CPT1A: variants seen among roughly 807,000 people sequenced by gnomAD.
CPT1A encodes the protein carnitine palmitoyltransferase 1A.
A neutral mutation model predicts 100.8 loss-of-function variants in CPT1A; 64 were observed. The observed-to-expected ratio is 0.63, with a 90% confidence interval of 0.52 to 0.78. The LOEUF (loss-of-function observed/expected upper bound fraction) is 0.78. Ranked by LOEUF, CPT1A falls within the 30% of genes least tolerant of loss-of-function variation. CPT1A has a pLI of 0.00. For missense variants in CPT1A, 802 were observed against 1,034.1 expected, an observed-to-expected ratio of 0.78 and a Z score of 3.08; for synonymous variants, 363 against 396.0, an observed-to-expected ratio of 0.92 and a Z score of 0.99.
At chr11:68,818,702 T>A (rs1266128954) in intron 1 of CPT1A, 1 of 151,520 alleles carries the variant, frequency 6.6e-6, no homozygotes, top group Non-Finnish European at 1.5e-5. Context: ...CTGAAAAAAA[T>A]AAAAAATTAG....
chr11:68,801,893 G>A (rs1259515480), intron 5 of CPT1A, among the ~76,000 whole-genome samples: 2 of 152,054 alleles, frequency 1.3e-5, no homozygotes, highest in Admixed American at 6.6e-5. Context: ...TCCTGGATAC[G>A]TCCCCAACAG....
rs925079127 is a variant in CPT1A at position 68,755,018 on chromosome 11, G to A, written c.*2626C>T. 57 of 612,680 alleles carry A rather than the reference G, an allele frequency of 9.3e-5. No individual in the cohort carries two copies. The highest frequency in any genetic ancestry group is 7.7e-5 in the Non-Finnish European group (26 of 335,696). The allele number at this position is 612,680 out of a possible 1,614,324, so 38.0% of individuals were successfully genotyped here. On this transcript the variant is annotated 3_prime_UTR_variant, in exon 19 of 19. Coordinates refer to ENST00000265641, the MANE Select transcript of CPT1A (RefSeq NM_001876.4). Reference sequence around the variant, plus strand: ...GATAACAAATTCAAACCATGGCTGCGTTAAGACAATGGTTTGTTCCAATTA... The same window carrying A: ...GATAACAAATTCAAACCATGGCTGCATTAAGACAATGGTTTGTTCCAATTA...
chr11:68,762,816 C>A (rs1452728535), intron 14 of CPT1A, 55 bp from the exon 15 acceptor site: 1 of 1,608,402 alleles, frequency 6.2e-7, no homozygotes, highest in African/African-American at 1.3e-5. Flanking sequence ...ATGTCTAAAA[C>A]GTAAGGAAGG....
chr11:68,826,923 G>A (rs1267114871), intron 1 of CPT1A, among the ~76,000 whole-genome samples: 1 of 152,126 alleles, frequency 6.6e-6, no homozygotes, highest in Non-Finnish European at 1.5e-5. Flanking sequence ...AGGCAGGTGA[G>A]CAGCTGAGAC....
intron 4 of CPT1A, 56 bp downstream of exon 4, chr11:68,807,411 T>C: frequency 6.4e-7 from 1 of 1,567,020 alleles, no homozygotes; most frequent in Non-Finnish European, 8.7e-7. Context: ...GGGGTGTCCT[T>C]CTTCCCAAAG....
intron 9 of CPT1A, among the ~76,000 whole-genome samples, chr11:68,792,696 G>A (rs892391955): frequency 1.3e-5 from 2 of 152,340 alleles, no homozygotes; most frequent in East Asian, 1.9e-4. Flanking sequence ...CCCAGTGTGC[G>A]TTCCATCACA....
intron 4 of CPT1A, among the ~76,000 whole-genome samples, chr11:68,805,677 C>T (rs978393971): frequency 2.6e-5 from 4 of 152,210 alleles, no homozygotes; most frequent in Admixed American, 6.5e-5. Flanking sequence ...GCTTCGTATA[C>T]ACCGGCAGAC....
At chr11:68,768,268 G>A (rs1257753184) in intron 14 of CPT1A, among the ~76,000 whole-genome samples, 1 of 151,448 alleles carries the variant, frequency 6.6e-6, no homozygotes, top group Non-Finnish European at 1.5e-5. Context: ...GTAGAGACGG[G>A]GTTTCATCGT....
chr11:68,836,041 C>T (rs964883459), intron 1 of CPT1A, among the ~76,000 whole-genome samples: 1 of 152,154 alleles, frequency 6.6e-6, no homozygotes, highest in Admixed American at 6.5e-5. Flanking sequence ...ACCTGTTGCA[C>T]CCCCACCCCA....
chr11:68,773,237 G>T, intron 14 of CPT1A, 28 bp downstream of exon 14: 1 of 1,612,736 alleles, frequency 6.2e-7, no homozygotes, highest in Non-Finnish European at 8.5e-7. Context: ...AAGTGCTCAC[G>T]ACAAAACCCT....
At chr11:68,831,325 A>G (rs1427560105) in intron 1 of CPT1A, among the ~76,000 whole-genome samples, 2 of 152,190 alleles carry the variant, frequency 1.3e-5, no homozygotes, top group African/African-American at 4.8e-5. Context: ...TGAGGAAAGC[A>G]GGTGAAAGGT....
At chr11:68,813,832 C>T (rs575974126) in intron 2 of CPT1A, among the ~76,000 whole-genome samples, 9 of 152,156 alleles carry the variant, frequency 5.9e-5, no homozygotes, top group Admixed American at 1.3e-4. Context: ...CTCGGCGAGC[C>T]GAGCTAGTGC....
intron 5 of CPT1A, among the ~76,000 whole-genome samples, chr11:68,802,074 TACAG>T (rs1855916849): frequency 6.6e-6 from 1 of 152,004 alleles, no homozygotes; most frequent in African/African-American, 2.4e-5. Context: ...GGCAAATCCA[TACAG>T]ACAGACAGGA....
upstream of CPT1A, among the ~76,000 whole-genome samples, chr11:68,842,350 G>A (rs1248168977): frequency 2.0e-5 from 3 of 152,024 alleles, no homozygotes; most frequent in African/African-American, 7.2e-5. Flanking sequence ...GGTGGGGCGC[G>A]CCTGTAATCC....
chr11:68,806,067 G>C (rs1313986726), intron 4 of CPT1A, among the ~76,000 whole-genome samples: 1 of 150,330 alleles, frequency 6.7e-6, no homozygotes, highest in Non-Finnish European at 1.5e-5. Flanking sequence ...TCCCCTAGGA[G>C]TGCAGTGACA....
At chr11:68,791,066 C>T (rs1566361282) in intron 9 of CPT1A, among the ~76,000 whole-genome samples, 1 of 152,152 alleles carries the variant, frequency 6.6e-6, no homozygotes, top group East Asian at 1.9e-4. Flanking sequence ...TCAGGTGATC[C>T]ACCTGCCTTG....
intron 8 of CPT1A, 71 bp from the exon 9 acceptor site, chr11:68,793,473 C>A (rs945067531): frequency 1.6e-6 from 2 of 1,218,980 alleles, no homozygotes; most frequent in Admixed American, 2.0e-5. Flanking sequence ...TGGCCGGGTG[C>A]GGTGGCTCAC....
intron 10 of CPT1A, among the ~76,000 whole-genome samples, chr11:68,782,239 G>A (rs1245050369): frequency 6.6e-6 from 1 of 152,134 alleles, no homozygotes. Context: ...AAGCCGCCAG[G>A]AAGCAGCAGA....
At position 68,812,455 on chromosome 11, in the gene CPT1A, T is replaced by G; in HGVS notation, c.263A>C (p.Asn88Thr). ...DPSLGIIAKI[N>T]RTLETANCMS... The stretch of plus-strand genomic sequence containing the variant: ...TACTTACGCCGTTTCCAGAGTCCGA[T>G]TGATTTTTGCAATTATTCCTAACGA... The change falls in exon 3 of 19, where the codon AAT (asparagine) becomes ACT (threonine). Residue 88 changes from asparagine to threonine, a missense_variant. Asn to Thr is a moderately conservative substitution (Grantham distance 65, BLOSUM62 0). Around this residue, in one of 4 missense-constraint regions of CPT1A, gnomAD observed 161 missense variants for 183.7 expected, o/e 0.88. Transcript: ENST00000265641. 2 of 1,614,214 alleles carry G rather than the reference T, an allele frequency of 1.2e-6. No individual in the cohort carries two copies. The highest frequency in any genetic ancestry group is 1.1e-5 in the South Asian group (1 of 91,088).
Sources: gnomAD v4.1 joint callset for allele counts (sites outside exome capture counted in the v4.1 genomes callset) on GRCh38, gnomAD v4.1.1 for gene constraint, gnomAD v4.1.1 regional missense constraint, MANE v1.5 for transcripts, NCBI Gene and HGNC (gene_info 2026-07-23, HGNC 2026-07-21) for gene names.